Variants in MAP2K4 observed in about 807,000 individuals in gnomAD.
MAP2K4 encodes the protein mitogen-activated protein kinase kinase 4.
A neutral mutation model predicts 48.5 loss-of-function variants in MAP2K4; 4 were observed. That is an observed-to-expected ratio of 0.08 (90% confidence interval 0.04 to 0.19). The LOEUF (loss-of-function observed/expected upper bound fraction) is 0.19, where lower values mean the gene tolerates loss of function less well. Ranked by LOEUF, MAP2K4 falls within the 10% of genes least tolerant of loss-of-function variation. The pLI, the probability that MAP2K4 is intolerant of heterozygous loss-of-function variation, is 1.00. For missense variants in MAP2K4, 258 were observed against 493.3 expected (o/e 0.52, Z 4.52); for synonymous variants, 166 against 173.1 (o/e 0.96, Z 0.32).
intron 7 of MAP2K4, among the ~76,000 whole-genome samples, chr17:12,118,178 G>A (rs1972564019): frequency 6.6e-6 from 1 of 152,140 alleles, no homozygotes. Flanking sequence ...ATTCGCCAGG[G>A]TTATTGATGA....
intron 4 of MAP2K4, among the ~76,000 whole-genome samples, chr17:12,101,077 A>G (rs1013186102): frequency 6.6e-6 from 1 of 152,028 alleles, no homozygotes; most frequent in Admixed American, 6.6e-5. Flanking sequence ...ATATAGGCCA[A>G]TTTTTAAATT....
chr17:12,107,372 TG>T (rs954541170), intron 4 of MAP2K4, among the ~76,000 whole-genome samples: 1 of 150,564 alleles, frequency 6.6e-6, no homozygotes, highest in African/African-American at 2.4e-5. Flanking sequence ...TATGTATTTT[TG>T]TCTTTTTCCT....
chr17:12,128,575 C>T lies in MAP2K4; in HGVS notation c.892-564C>T, dbSNP rs150187043. ...GGGGCTTCAGGATGCAGGGTTTGAC[C>T]CTGACTTGATTTCTTCACTACTTGT... On this transcript the variant is annotated intron_variant, in intron 8 of 10. Transcript: ENST00000353533. Among the ~76,000 whole-genome samples, 78 of 152,180 alleles carry T rather than the reference C, an allele frequency of 5.1e-4. 1 individual carries two copies. Among genetic ancestry groups the T allele is most frequent in the Non-Finnish European group, 6.0e-4 (41 of 68,002 alleles).
chr17:12,082,317 T>C (rs1971217935), intron 3 of MAP2K4, among the ~76,000 whole-genome samples: 1 of 152,108 alleles, frequency 6.6e-6, no homozygotes, highest in African/African-American at 2.4e-5. Flanking sequence ...GTAAGATATT[T>C]CAGGAAAATC....
At chr17:12,084,523 T>TA (rs1402688018) in intron 3 of MAP2K4, among the ~76,000 whole-genome samples, 3 of 152,298 alleles carry the variant, frequency 2.0e-5, no homozygotes, top group East Asian at 3.9e-4. Context: ...CTTCAACTCT[T>TA]ACCAGGGATT....
chr17:12,030,224 A>G (rs1359598574), intron 1 of MAP2K4, among the ~76,000 whole-genome samples: 1 of 152,172 alleles, frequency 6.6e-6, no homozygotes, highest in African/African-American at 2.4e-5. Flanking sequence ...TCCCTAATTT[A>G]ATAATGTTAA....
At chr17:12,071,348 C>T (rs138119984) in intron 2 of MAP2K4, among the ~76,000 whole-genome samples, 149 of 152,202 alleles carry the variant, frequency 9.8e-4, no homozygotes, top group Non-Finnish European at 1.9e-3. Context: ...CTTAGTGTTT[C>T]CTTTGACCTG....
At chr17:12,036,021 A>T (rs1277012003) in intron 1 of MAP2K4, among the ~76,000 whole-genome samples, 1 of 152,168 alleles carries the variant, frequency 6.6e-6, no homozygotes, top group Non-Finnish European at 1.5e-5. Context: ...TTACATATTT[A>T]ATTTGGGAAA....
chr17:12,103,310 G>A (rs1972000801), intron 4 of MAP2K4, among the ~76,000 whole-genome samples: 1 of 151,324 alleles, frequency 6.6e-6, no homozygotes, highest in African/African-American at 2.4e-5. Context: ...GCCCCCTAAA[G>A]CATTGGAATT....
intron 1 of MAP2K4, among the ~76,000 whole-genome samples, chr17:12,025,753 A>G (rs1284539459): frequency 6.6e-6 from 1 of 151,914 alleles, no homozygotes; most frequent in Non-Finnish European, 1.5e-5. Flanking sequence ...GTAATGAAGT[A>G]TATCTGTTAA....
chr17:12,109,647 A>C (rs1361250302), intron 5 of MAP2K4, among the ~76,000 whole-genome samples: 1 of 152,234 alleles, frequency 6.6e-6, no homozygotes, highest in African/African-American at 2.4e-5. Context: ...AGTTTACACT[A>C]GCTCTTCAAA....
At chr17:12,099,111 A>G (rs1008281921) in intron 4 of MAP2K4, among the ~76,000 whole-genome samples, 1 of 151,750 alleles carries the variant, frequency 6.6e-6, no homozygotes, top group Non-Finnish European at 1.5e-5. Flanking sequence ...ATGTGTGCAC[A>G]TGATTTAGCT....
At chr17:12,062,485 C>T (rs1222319630) in intron 2 of MAP2K4, among the ~76,000 whole-genome samples, 3 of 152,098 alleles carry the variant, frequency 2.0e-5, no homozygotes, top group African/African-American at 7.2e-5. Flanking sequence ...TAGGCATGTG[C>T]CACCATCCCT....
intron 3 of MAP2K4, among the ~76,000 whole-genome samples, chr17:12,083,914 T>C (rs938903678): frequency 6.6e-6 from 1 of 152,212 alleles, no homozygotes; most frequent in Non-Finnish European, 1.5e-5. Flanking sequence ...AGCTTTCCAT[T>C]GCTGTTGGTG....
At chr17:12,021,150 C>G in intron 1 of MAP2K4, 149 bp downstream of exon 1, 1 of 422,942 alleles carries the variant, frequency 2.4e-6, no homozygotes, top group Non-Finnish European at 3.8e-6. Context: ...CTTCCCGCCC[C>G]GCTCCCGGCC....
chr17:12,133,588 A>G (rs556361795), intron 9 of MAP2K4, among the ~76,000 whole-genome samples: 134 of 152,260 alleles, frequency 8.8e-4, no homozygotes, highest in Non-Finnish European at 1.1e-3. Context: ...TTAACTATCT[A>G]TTGAAATCAC....
intron 3 of MAP2K4, among the ~76,000 whole-genome samples, chr17:12,094,034 A>G (rs1185429680): frequency 6.6e-6 from 1 of 152,244 alleles, no homozygotes; most frequent in Non-Finnish European, 1.5e-5. Flanking sequence ...TTATTAATCC[A>G]TAAACTATGA....
At chr17:12,041,825 C>A (rs528242253) in intron 1 of MAP2K4, among the ~76,000 whole-genome samples, 1 of 152,216 alleles carries the variant, frequency 6.6e-6, no homozygotes, top group African/African-American at 2.4e-5. Context: ...GGTGCTGTTA[C>A]GAAAAGAACT....
chr17:12,133,544 A>G (rs547442489), intron 9 of MAP2K4, among the ~76,000 whole-genome samples: 1 of 152,302 alleles, frequency 6.6e-6, no homozygotes, highest in East Asian at 1.9e-4. Flanking sequence ...TGCTCTCCTC[A>G]GATCTCAGCC....
Sources: allele counts gnomAD v4.1 joint callset (sites outside exome capture counted in the v4.1 genomes callset), GRCh38; gene constraint gnomAD v4.1.1; transcripts MANE v1.5; gene names NCBI Gene and HGNC (gene_info 2026-07-23, HGNC 2026-07-21).